Variants in SEMA3A observed in about 807,000 individuals in gnomAD.
SEMA3A encodes the protein semaphorin-3A.
Under a neutral mutation model 97.9 loss-of-function variants are expected in SEMA3A, and 29 were observed. That is an observed-to-expected ratio of 0.30 (90% confidence interval 0.22 to 0.40). SEMA3A has a LOEUF of 0.40. Ranked by LOEUF, SEMA3A falls within the 10% of genes least tolerant of loss-of-function variation. The probability of loss-of-function intolerance (pLI) is 1.00; values close to 1 mark genes in which losing one functional copy is unlikely to be tolerated. For synonymous variants in SEMA3A, 321 were observed against 323.7 expected (o/e 0.99, Z 0.09); for missense variants, 763 against 951.3 (o/e 0.80, Z 2.60).
At chr7:84,444,578 T>G (rs1421297945) in intron 1 of SEMA3A, among the ~76,000 whole-genome samples, 2 of 151,112 alleles carry the variant, frequency 1.3e-5, no homozygotes, top group African/African-American at 2.4e-5. Context: ...TTTTTTTTTT[T>G]TGAGACGGAG....
At chr7:84,442,935 T>G (rs1478213199) in intron 1 of SEMA3A, among the ~76,000 whole-genome samples, 5 of 151,988 alleles carry the variant, frequency 3.3e-5, no homozygotes, top group Non-Finnish European at 7.4e-5. Flanking sequence ...ATTATAAACA[T>G]GTATACAACC....
At chr7:84,464,971 C>G (rs985854826) in intron 1 of SEMA3A, among the ~76,000 whole-genome samples, 1 of 152,034 alleles carries the variant, frequency 6.6e-6, no homozygotes, top group Non-Finnish European at 1.5e-5. Flanking sequence ...AAACAGGGAC[C>G]TATGTGAGGA....
chr7:84,383,366 T>G (rs891661560), intron 1 of SEMA3A, among the ~76,000 whole-genome samples: 61 of 152,112 alleles, frequency 4.0e-4, no homozygotes, highest in Non-Finnish European at 8.1e-4. Context: ...GAAAACAAAG[T>G]ATAAAAACTG....
intron 1 of SEMA3A, among the ~76,000 whole-genome samples, chr7:84,173,620 T>C (rs1584081171): frequency 6.6e-6 from 1 of 151,408 alleles, no homozygotes; most frequent in Admixed American, 6.6e-5. Context: ...TAGAAAGATG[T>C]ATTTGATTAG....
intron 1 of SEMA3A, among the ~76,000 whole-genome samples, chr7:84,414,159 T>C (rs1804360310): frequency 6.6e-6 from 1 of 152,156 alleles, no homozygotes; most frequent in African/African-American, 2.4e-5. Context: ...TCTTGTTTTA[T>C]ATTAAAAATA....
intron 2 of SEMA3A, among the ~76,000 whole-genome samples, chr7:84,371,049 A>G (rs1802962634): frequency 6.6e-6 from 1 of 151,570 alleles, no homozygotes; most frequent in African/African-American, 2.4e-5. Flanking sequence ...ATGTATATCT[A>G]CCCTATCTAA....
intron 1 of SEMA3A, among the ~76,000 whole-genome samples, chr7:84,450,754 C>G (rs1041882954): frequency 1.2e-4 from 18 of 152,260 alleles, no homozygotes; most frequent in Middle Eastern, 3.4e-3. Context: ...TTGCATTTCC[C>G]TAATTCGTGA....
chr7:84,288,225 A>G (rs1584204178), intron 3 of SEMA3A, among the ~76,000 whole-genome samples: 1 of 152,250 alleles, frequency 6.6e-6, no homozygotes, highest in East Asian at 1.9e-4. Context: ...AGCTGGGGCT[A>G]CAGGTGTGGC....
chr7:84,186,019 A>G (rs946205029), intron 1 of SEMA3A, among the ~76,000 whole-genome samples: 4 of 152,184 alleles, frequency 2.6e-5, no homozygotes, highest in Non-Finnish European at 5.9e-5. Context: ...ACTCTACTCT[A>G]TGAAGTTCCT....
chr7:84,234,593 T>C (rs1205949430), intron 3 of SEMA3A, among the ~76,000 whole-genome samples: 1 of 152,046 alleles, frequency 6.6e-6, no homozygotes, highest in African/African-American at 2.4e-5. Context: ...CTTTGAACCA[T>C]ACCCTTGTTG....
intron 5 of SEMA3A, among the ~76,000 whole-genome samples, chr7:84,054,975 A>C (rs1218591523): frequency 6.6e-6 from 1 of 152,132 alleles, no homozygotes; most frequent in Non-Finnish European, 1.5e-5. Context: ...GTGAGGTGTC[A>C]GTCTGCCCCT....
At chr7:84,416,958 C>A (rs1420577796) in intron 1 of SEMA3A, among the ~76,000 whole-genome samples, 1 of 152,044 alleles carries the variant, frequency 6.6e-6, no homozygotes, top group East Asian at 1.9e-4. Flanking sequence ...AAACTCAATT[C>A]TTTGCTTGTT....
chr7:84,408,931 T>C (rs1804184072), intron 1 of SEMA3A, among the ~76,000 whole-genome samples: 1 of 151,864 alleles, frequency 6.6e-6, no homozygotes, highest in African/African-American at 2.4e-5. Context: ...CATTAGGAGA[T>C]ATACCTAATG....
At chr7:84,088,486 T>C (rs1794457072) in intron 4 of SEMA3A, among the ~76,000 whole-genome samples, 1 of 152,062 alleles carries the variant, frequency 6.6e-6, no homozygotes, top group Non-Finnish European at 1.5e-5. Context: ...TTGACAACTA[T>C]GCTAGTTTTA....
In SEMA3A at chr7:84,411,813, A is replaced by G. The variant is rs182114821; in HGVS notation, c.-245-39913T>C. ...TGTTTTCTTTCTTTTTTCTTTCAAG[A>G]AGAGGTCATGGACCACCTGTAAACT... is the stretch of plus-strand genomic sequence containing the variant. On this transcript the variant is annotated intron_variant, in intron 1 of 3. Transcript: ENST00000424555. Among the ~76,000 whole-genome samples, 410 of 152,126 alleles carry G rather than the reference A, an allele frequency of 2.7e-3. 1 individual carries two copies. The highest frequency in any genetic ancestry group is 4.9e-3 in the Non-Finnish European group (333 of 68,000).
intron 2 of SEMA3A, among the ~76,000 whole-genome samples, chr7:84,327,052 T>G (rs759064592): frequency 6.6e-6 from 1 of 151,882 alleles, no homozygotes; most frequent in Non-Finnish European, 1.5e-5. Flanking sequence ...ACTTGCAAAC[T>G]AGGCACCTAA....
At chr7:84,447,350 A>T (rs956938811) in intron 1 of SEMA3A, among the ~76,000 whole-genome samples, 1 of 152,180 alleles carries the variant, frequency 6.6e-6, no homozygotes, top group Non-Finnish European at 1.5e-5. Flanking sequence ...GTCCTGGTGA[A>T]GCCCCACCTT....
intron 1 of SEMA3A, among the ~76,000 whole-genome samples, chr7:84,486,892 G>GA (rs898913682): frequency 4.6e-5 from 7 of 151,622 alleles, no homozygotes; most frequent in South Asian, 2.1e-4. Flanking sequence ...CATCTCACCA[G>GA]AAAAAAAAGA....
intron 3 of SEMA3A, among the ~76,000 whole-genome samples, chr7:84,220,736 A>T (rs149128098): frequency 6.6e-6 from 1 of 152,300 alleles, no homozygotes; most frequent in African/African-American, 2.4e-5. Flanking sequence ...GTAGGTCTCA[A>T]CAAAGAGCTT....
Sources: gnomAD v4.1 joint callset for allele counts (sites outside exome capture counted in the v4.1 genomes callset) on GRCh38, gnomAD v4.1.1 for gene constraint, MANE v1.5 for transcripts, NCBI Gene and HGNC (gene_info 2026-07-23, HGNC 2026-07-21) for gene names.